Variants in LRRTM4 observed in about 807,000 individuals in gnomAD.
LRRTM4 encodes leucine rich repeat transmembrane neuronal 4, also known as leucine-rich repeat transmembrane neuronal protein 4.
A neutral mutation model predicts 47.6 loss-of-function variants in LRRTM4; 25 were observed. That is an observed-to-expected ratio of 0.53 (90% confidence interval 0.38 to 0.73). The LOEUF is 0.73. Ranked by LOEUF, LRRTM4 falls within the 30% of genes least tolerant of loss-of-function variation. The pLI is 0.00. For missense variants in LRRTM4, 638 were observed against 713.4 expected, an observed-to-expected ratio of 0.89 and a Z score of 1.20; for synonymous variants, 311 against 269.5, an observed-to-expected ratio of 1.15 and a Z score of -1.51.
intron 3 of LRRTM4, among the ~76,000 whole-genome samples, chr2:77,317,810 A>G (rs1048304068): frequency 1.3e-5 from 2 of 152,076 alleles, no homozygotes; most frequent in African/African-American, 4.8e-5. Flanking sequence ...CACTGACTGA[A>G]TATTGCCTAT....
chr2:77,399,916 C>T (rs1673873970), intron 3 of LRRTM4, among the ~76,000 whole-genome samples: 1 of 151,890 alleles, frequency 6.6e-6, no homozygotes, highest in African/African-American at 2.4e-5. Context: ...TGAAGTCAGA[C>T]ATCTGGGCTT....
intron 3 of LRRTM4, among the ~76,000 whole-genome samples, chr2:77,007,758 C>T (rs1278147968): frequency 6.6e-6 from 1 of 152,116 alleles, no homozygotes; most frequent in Non-Finnish European, 1.5e-5. Flanking sequence ...ACATGTCTTC[C>T]ATTCGGCTTT....
chr2:76,788,943 T>A (rs1236624875), intron 3 of LRRTM4, among the ~76,000 whole-genome samples: 2 of 152,210 alleles, frequency 1.3e-5, no homozygotes, highest in Non-Finnish European at 2.9e-5. Context: ...AAAAAGGTTT[T>A]ATTTTCTACA....
chr2:76,847,527 G>A (rs759839516), intron 3 of LRRTM4, among the ~76,000 whole-genome samples: 6 of 151,830 alleles, frequency 4.0e-5, no homozygotes, highest in East Asian at 1.9e-4. Context: ...AATCAAAGAC[G>A]TATGGCCAGC....
At chr2:77,149,225 T>C (rs1160839052) in intron 3 of LRRTM4, among the ~76,000 whole-genome samples, 4 of 152,114 alleles carry the variant, frequency 2.6e-5, no homozygotes, top group Non-Finnish European at 5.9e-5. Context: ...AAATAAAATA[T>C]CTCAATGACC....
intron 3 of LRRTM4, among the ~76,000 whole-genome samples, chr2:76,889,459 T>A (rs1673181879): frequency 6.6e-6 from 1 of 151,942 alleles, no homozygotes; most frequent in African/African-American, 2.4e-5. Context: ...AAATAAAGTA[T>A]CCCTTCCTTC....
chr2:77,088,803 T>C (rs954525787), intron 3 of LRRTM4, among the ~76,000 whole-genome samples: 13 of 152,022 alleles, frequency 8.6e-5, no homozygotes, highest in African/African-American at 2.7e-4. Context: ...CCAAGAAACA[T>C]CTCACCAGTT....
At chr2:77,487,208 C>T (rs1017947248) in intron 3 of LRRTM4, among the ~76,000 whole-genome samples, 1 of 152,306 alleles carries the variant, frequency 6.6e-6, no homozygotes, top group Admixed American at 6.5e-5. Flanking sequence ...GGGCAGAAGC[C>T]CTGCACTTCT....
rs1440889899 is a variant in LRRTM4 at position 76,778,236 on chromosome 2, C to T, written c.1552-29320G>A. 2.1e-5 allele frequency among the ~76,000 whole-genome samples: 3 copies of T among 142,996 alleles called. No homozygotes were observed. The South Asian group carries it at 7.1e-4, about 34-fold the overall frequency. The allele number at this position is 142,996 out of a possible 152,430, so 93.8% of individuals were successfully genotyped here. On this transcript the variant is annotated intron_variant, in intron 3 of 3. Coordinates refer to ENST00000409884, the MANE Select transcript of LRRTM4 (RefSeq NM_001134745.3). ...CTAAAATTCTCTTTTTTGGTTGTGT[C>T]TCTGCCCGGCTTTGGTATCAGGATG...
At chr2:76,961,930 A>G (rs1180038876) in intron 3 of LRRTM4, among the ~76,000 whole-genome samples, 1 of 151,354 alleles carries the variant, frequency 6.6e-6, no homozygotes. Context: ...TGATCTTTGC[A>G]ATTATGAATT....
At chr2:76,801,706 T>C (rs181352084) in intron 3 of LRRTM4, among the ~76,000 whole-genome samples, 102 of 151,516 alleles carry the variant, frequency 6.7e-4, no homozygotes, top group African/African-American at 2.4e-3. Context: ...CTGGTGAACA[T>C]GTATGAAAAA....
At chr2:76,973,091 A>T (rs1307245640) in intron 3 of LRRTM4, among the ~76,000 whole-genome samples, 1 of 152,070 alleles carries the variant, frequency 6.6e-6, no homozygotes, top group Non-Finnish European at 1.5e-5. Context: ...GGAAAATGGG[A>T]AATATCATCA....
chr2:77,180,673 C>T (rs1414094309), intron 3 of LRRTM4, among the ~76,000 whole-genome samples: 1 of 152,078 alleles, frequency 6.6e-6, no homozygotes, highest in African/African-American at 2.4e-5. Flanking sequence ...GATTATATGC[C>T]TATTTCATTT....
chr2:77,268,967 T>C (rs1262286754), intron 3 of LRRTM4, among the ~76,000 whole-genome samples: 2 of 152,190 alleles, frequency 1.3e-5, no homozygotes, highest in African/African-American at 2.4e-5. Context: ...ATACCTTTTT[T>C]GCACAGGCCT....
intron 3 of LRRTM4, among the ~76,000 whole-genome samples, chr2:77,470,507 C>T (rs1677149508): frequency 6.6e-6 from 1 of 152,086 alleles, no homozygotes; most frequent in Non-Finnish European, 1.5e-5. Flanking sequence ...ACAATGAAGA[C>T]ACACTGAGCA....
At chr2:77,243,287 G>A (rs1344364337) in intron 3 of LRRTM4, among the ~76,000 whole-genome samples, 3 of 151,912 alleles carry the variant, frequency 2.0e-5, no homozygotes, top group Non-Finnish European at 2.9e-5. Context: ...GTGCATGCCT[G>A]TAATCCCAGC....
chr2:76,774,968 G>C (rs766458313), intron 3 of LRRTM4, among the ~76,000 whole-genome samples: 1 of 152,088 alleles, frequency 6.6e-6, no homozygotes, highest in Non-Finnish European at 1.5e-5. Context: ...GCAGGTACTG[G>C]TTCAAAAGCA....
intron 3 of LRRTM4, among the ~76,000 whole-genome samples, chr2:76,772,132 G>A (rs1237592568): frequency 6.6e-6 from 1 of 152,090 alleles, no homozygotes; most frequent in Non-Finnish European, 1.5e-5. Context: ...TAGATCATAA[G>A]AGTGGAGCTC....
intron 3 of LRRTM4, among the ~76,000 whole-genome samples, chr2:77,016,383 T>TA (rs75200969): frequency 0.06 from 7,948 of 133,406 alleles, 705 homozygotes; most frequent in African/African-American, 0.19. Context: ...GAACTCCATT[T>TA]AAAAAAAAAA....
Sources: gnomAD v4.1 joint callset for allele counts (sites outside exome capture counted in the v4.1 genomes callset) on GRCh38, gnomAD v4.1.1 for gene constraint, MANE v1.5 for transcripts, NCBI Gene and HGNC (gene_info 2026-07-23, HGNC 2026-07-21) for gene names.